The following RAI1 variants were observed in gnomAD, a reference collection of about 807,000 sequenced individuals.
RAI1 encodes the protein retinoic acid-induced protein 1.
A neutral mutation model predicts 123.8 loss-of-function variants in RAI1; 9 were observed. The observed-to-expected ratio is 0.07, with a 90% CI of 0.04 to 0.13. The LOEUF is 0.13. Ranked by LOEUF, RAI1 falls within the 10% of genes least tolerant of loss-of-function variation. RAI1 has a pLI of 1.00. For synonymous variants in RAI1, 1,231 were observed against 1,127.3 expected, an observed-to-expected ratio of 1.09 and a Z score of -1.84; for missense variants, 2,256 against 2,545.8, an observed-to-expected ratio of 0.89 and a Z score of 2.45.
chr17:17,686,568 C>CGT (rs58906330), intron 1 of RAI1, among the ~76,000 whole-genome samples: 18,640 of 124,278 alleles, frequency 0.15, 1,373 homozygotes, highest in Non-Finnish European at 0.15. Context: ...TTCTTGAACC[C>CGT]GTGTGTGTGT....
chr17:17,772,969 T>C (rs1266640693), intron 2 of RAI1, among the ~76,000 whole-genome samples: 3 of 149,842 alleles, frequency 2.0e-5, no homozygotes, highest in African/African-American at 7.4e-5. Flanking sequence ...AGTGGATGGA[T>C]GGGTGGGTGA....
At chr17:17,759,529 C>T (rs556731312) in intron 2 of RAI1, 1 of 152,300 alleles carries the variant, frequency 6.6e-6, no homozygotes, top group Admixed American at 6.5e-5. Context: ...GCTCCAGAAC[C>T]AGGTACAGAT....
chr17:17,773,106 T>TGGGTGGGG (rs2031222397), intron 2 of RAI1, among the ~76,000 whole-genome samples: 1 of 145,338 alleles, frequency 6.9e-6, no homozygotes, highest in African/African-American at 2.6e-5. Context: ...GGTGGGTGGG[T>TGGGTGGGG]AGGTGAATAA....
chr17:17,720,094 G>A (rs2142921601), intron 1 of RAI1, among the ~76,000 whole-genome samples: 1 of 152,200 alleles, frequency 6.6e-6, no homozygotes. Context: ...CTTGTCCTTG[G>A]CTGGCTCCAC....
chr17:17,802,125 G>T, intron 3 of RAI1: 1 of 471,012 alleles, frequency 2.1e-6, no homozygotes. Context: ...CCTTCTTGGT[G>T]TGACTGTCCT....
At chr17:17,770,018 CAG>C (rs2142994852) in intron 2 of RAI1, among the ~76,000 whole-genome samples, 1 of 152,192 alleles carries the variant, frequency 6.6e-6, no homozygotes, top group East Asian at 1.9e-4. Flanking sequence ...CCCAGGGTGA[CAG>C]GGCTTTGCTG....
intron 2 of RAI1, among the ~76,000 whole-genome samples, chr17:17,727,257 C>T (rs1916124403): frequency 6.6e-6 from 1 of 152,238 alleles, no homozygotes; most frequent in Admixed American, 6.5e-5. Flanking sequence ...ATCTGACCTC[C>T]CTCCTTTGAC....
chr17:17,797,098 A>G lies in RAI1; in HGVS notation c.4150A>G (p.Asn1384Asp). 1.2e-6 allele frequency: 2 copies of G among 1,613,992 alleles called. No homozygotes were observed. The highest frequency in any genetic ancestry group is 1.7e-6 in the Non-Finnish European group (2 of 1,180,028). Residue 1384 changes from asparagine (N) to aspartate (D), a missense_variant, in exon 3 of 6, where the codon AAT becomes GAT. By Grantham distance (23) the Asn-to-Asp change is conservative. Transcript: ENST00000353383. Reference sequence around the variant, plus strand: ...AGTGGGGGTGGAAGAAGGCCTGGTAAATGTGGGCACCGGGCAGAAGCTCCC... The same window carrying G: ...AGTGGGGGTGGAAGAAGGCCTGGTAGATGTGGGCACCGGGCAGAAGCTCCC... ...SPVGVEEGLVNVGTGQKLPTS... is the reference protein window; with the variant it reads ...SPVGVEEGLVDVGTGQKLPTS...
At chr17:17,760,819 C>T (rs2030662670) in intron 2 of RAI1, among the ~76,000 whole-genome samples, 1 of 151,912 alleles carries the variant, frequency 6.6e-6, no homozygotes, top group African/African-American at 2.4e-5. Context: ...CCAAGAAAGG[C>T]TTCAGGAAGA....
At chr17:17,731,323 G>A (rs560636178) in intron 2 of RAI1, among the ~76,000 whole-genome samples, 33 of 152,342 alleles carry the variant, frequency 2.2e-4, no homozygotes, top group Admixed American at 1.8e-3. Flanking sequence ...CCTGGCGAAG[G>A]CACCCAAAGG....
At chr17:17,701,088 G>T (rs982030976) in intron 1 of RAI1, among the ~76,000 whole-genome samples, 9 of 152,002 alleles carry the variant, frequency 5.9e-5, no homozygotes, top group African/African-American at 1.9e-4. Context: ...ACCCACCCCT[G>T]CGCCTCCAAC....
Position 17,694,903 on chromosome 17 carries a change from C to T in RAI1, c.-149+13110C>T, listed in dbSNP as rs186599692. Among the ~76,000 whole-genome samples the T allele has an allele frequency of 6.5e-3, 996 of 152,182 alleles. 8 individuals carry two copies. The highest frequency in any genetic ancestry group is 7.7e-3 in the Non-Finnish European group (521 of 67,966). On this transcript the variant is annotated intron_variant, in intron 1 of 5. Coordinates refer to ENST00000353383, the MANE Select transcript of RAI1 (RefSeq NM_030665.4). ...TCCGGGAACGCGGGGGCTTCCAGTCCCAGCGTTGCGGCCGGCGCTTGCGGG... is the reference window on the plus strand; with the variant it reads ...TCCGGGAACGCGGGGGCTTCCAGTCTCAGCGTTGCGGCCGGCGCTTGCGGG...
chr17:17,685,987 C>T lies in RAI1; in HGVS notation c.-149+4194C>T, dbSNP rs762785631. Among the ~76,000 whole-genome samples the T allele has an allele frequency of 2.6e-5, 4 of 152,220 alleles. No homozygotes were observed. Among genetic ancestry groups the T allele is most frequent in the Non-Finnish European group, 5.9e-5 (4 of 68,042 alleles). On this transcript the variant is annotated intron_variant, in intron 1 of 5. Transcript: ENST00000353383. This position sits in a 1 kb window ranked among gnomAD's most constrained non-coding sequence, Gnocchi z 4.0. The stretch of plus-strand genomic sequence containing the variant: ...TCTCCTCCTCCTCTGACCTCCGAGG[C>T]AGAATGAGTCATCTCCCTTTGTCTA...
intron 2 of RAI1, among the ~76,000 whole-genome samples, chr17:17,783,997 CCTT>C (rs1206337761): frequency 2.0e-5 from 3 of 152,070 alleles, no homozygotes; most frequent in African/African-American, 4.8e-5. Flanking sequence ...TTTTTTCTCT[CCTT>C]CTCTCTTCCA....
intron 2 of RAI1, among the ~76,000 whole-genome samples, chr17:17,772,187 G>C (rs1413223450): frequency 6.6e-6 from 1 of 152,186 alleles, no homozygotes; most frequent in Non-Finnish European, 1.5e-5. Context: ...CTGGTGCTTA[G>C]GACCATGGAC....
chr17:17,778,380 C>T lies in RAI1; in HGVS notation c.-16-14553C>T, dbSNP rs2031430051. 1.3e-5 allele frequency: 3 copies of T among 231,730 alleles called. No homozygotes were observed. In the South Asian group the frequency reaches 1.7e-4, roughly 13 times the overall value. The allele number at this position is 231,730 out of a possible 1,614,324, so 14.4% of individuals were successfully genotyped here. On this transcript the variant is annotated intron_variant, in intron 2 of 5. Transcript: ENST00000353383. Reference sequence around the variant, plus strand: ...GGAAGTTGCTACCTTTTATTGAGCCCCTGCCAGCTACCAAGCACATTATCC... The same window carrying T: ...GGAAGTTGCTACCTTTTATTGAGCCTCTGCCAGCTACCAAGCACATTATCC...
At chr17:17,695,307 C>T (rs868332958) in intron 1 of RAI1, among the ~76,000 whole-genome samples, 1 of 152,298 alleles carries the variant, frequency 6.6e-6, no homozygotes, top group Middle Eastern at 3.4e-3. Flanking sequence ...CGGCCGGCCT[C>T]CCTCCAGCCC....
At chr17:17,730,589 G>A (rs1181242579) in intron 2 of RAI1, among the ~76,000 whole-genome samples, 1 of 152,234 alleles carries the variant, frequency 6.6e-6, no homozygotes, top group Non-Finnish European at 1.5e-5. Context: ...ATTTAGACCT[G>A]GGGCCACTAG....
At chr17:17,750,689 C>CAAAAAAA (rs57637022) in intron 2 of RAI1, among the ~76,000 whole-genome samples, 64 of 79,734 alleles carry the variant, frequency 8.0e-4, no homozygotes, top group African/African-American at 3.0e-3. Context: ...TACTCCGTCT[C>CAAAAAAA]AAAAAAAAAA....
Sources: gnomAD v4.1 joint callset for allele counts (sites outside exome capture counted in the v4.1 genomes callset) on GRCh38, gnomAD v4.1.1 for gene constraint, Gnocchi (gnomAD v3.1) non-coding constraint, MANE v1.5 for transcripts, NCBI Gene and HGNC (gene_info 2026-07-23, HGNC 2026-07-21) for gene names.